Variants in KCNH8 observed in about 807,000 individuals in gnomAD.
KCNH8 encodes the protein potassium voltage-gated channel subfamily H member 8.
KCNH8 carries 70 observed loss-of-function variants against 103.6 expected under a neutral mutation model. The observed-to-expected ratio is 0.68, with a 90% CI of 0.56 to 0.82. KCNH8 has a LOEUF of 0.82. KCNH8 is among the 40% of genes least tolerant of loss of function. The pLI is 0.00. For missense variants in KCNH8, 1,217 were observed against 1,329.9 expected, an observed-to-expected ratio of 0.92 and a Z score of 1.32; for synonymous variants, 498 against 489.4, an observed-to-expected ratio of 1.02 and a Z score of -0.23.
intron 11 of KCNH8, among the ~76,000 whole-genome samples, chr3:19,486,273 G>C (rs2068206150): frequency 6.6e-6 from 1 of 152,216 alleles, no homozygotes. Flanking sequence ...AGGGTGGTGG[G>C]ATTTAGGTTG....
At chr3:19,488,178 A>G (rs2068248388) in intron 11 of KCNH8, among the ~76,000 whole-genome samples, 1 of 152,116 alleles carries the variant, frequency 6.6e-6, no homozygotes, top group Non-Finnish European at 1.5e-5. Context: ...AGTTGGGGAC[A>G]CTTATTTTTC....
chr3:19,396,349 T>G (rs1427421838), intron 7 of KCNH8, among the ~76,000 whole-genome samples: 1 of 151,998 alleles, frequency 6.6e-6, no homozygotes, highest in Non-Finnish European at 1.5e-5. Context: ...ATAGGACATA[T>G]ACAAAGCCTT....
At chr3:19,486,971 T>C (rs1047518958) in intron 11 of KCNH8, among the ~76,000 whole-genome samples, 13 of 152,180 alleles carry the variant, frequency 8.5e-5, no homozygotes, top group Non-Finnish European at 8.8e-5. Flanking sequence ...CCTACAGTCC[T>C]CCAGGTGCTG....
At chr3:19,334,082 G>A (rs936579448) in intron 3 of KCNH8, among the ~76,000 whole-genome samples, 9 of 152,166 alleles carry the variant, frequency 5.9e-5, no homozygotes, top group African/African-American at 2.2e-4. Flanking sequence ...GCTCTGCAGA[G>A]TTGTCTCGAA....
chr3:19,355,761 A>G (rs1236554111), intron 5 of KCNH8, among the ~76,000 whole-genome samples: 2 of 152,076 alleles, frequency 1.3e-5, no homozygotes, highest in Non-Finnish European at 2.9e-5. Context: ...GAGGGATAGC[A>G]TTAGGAGATA....
At chr3:19,510,910 C>G (rs555904593) in intron 12 of KCNH8, among the ~76,000 whole-genome samples, 2 of 151,966 alleles carry the variant, frequency 1.3e-5, no homozygotes, top group African/African-American at 4.8e-5. Context: ...CACAGAGGCA[C>G]GCAAATAGAT....
chr3:19,323,854 T>C (rs1010485277), intron 3 of KCNH8, among the ~76,000 whole-genome samples: 25 of 152,210 alleles, frequency 1.6e-4, no homozygotes, highest in African/African-American at 4.1e-4. Flanking sequence ...ATGATGTGAT[T>C]CGTCTTCAGG....
At chr3:19,463,594 C>T (rs972320510) in intron 11 of KCNH8, among the ~76,000 whole-genome samples, 7 of 151,854 alleles carry the variant, frequency 4.6e-5, no homozygotes, top group Non-Finnish European at 1.0e-4. Context: ...GAATACCAAC[C>T]TTATGGAGAA....
At chr3:19,166,744 T>A (rs1426466714) in intron 1 of KCNH8, among the ~76,000 whole-genome samples, 2 of 152,178 alleles carry the variant, frequency 1.3e-5, no homozygotes, top group African/African-American at 2.4e-5. Flanking sequence ...AGGATGGTGA[T>A]GGTATGTAAT....
At chr3:19,413,579 G>A (rs1482736220) in intron 7 of KCNH8, among the ~76,000 whole-genome samples, 2 of 152,022 alleles carry the variant, frequency 1.3e-5, no homozygotes, top group South Asian at 2.1e-4. Context: ...TTAGAACAGA[G>A]ACAATATACA....
chr3:19,161,469 C>A (rs1388141256), intron 1 of KCNH8, among the ~76,000 whole-genome samples: 6 of 152,116 alleles, frequency 3.9e-5, no homozygotes, highest in African/African-American at 1.4e-4. Context: ...GAATGAAGCA[C>A]CAGTGATTAA....
rs75668332 is a variant in KCNH8 at position 19,264,685 on chromosome 3, T to A, written c.310+10798T>A. ...GTCAGCCTTAGCAACTACCTGACTTTGCACAGACAACTTCATAAAATAGAA... is the reference window on the plus strand; with the variant it reads ...GTCAGCCTTAGCAACTACCTGACTTAGCACAGACAACTTCATAAAATAGAA... On this transcript the variant is annotated intron_variant, in intron 2 of 15. Coordinates refer to ENST00000328405, the MANE Select transcript of KCNH8 (RefSeq NM_144633.3). Among the ~76,000 whole-genome samples, 221 of 152,250 alleles carry A rather than the reference T, an allele frequency of 1.5e-3. No homozygotes were observed. In the East Asian group the frequency reaches 0.028, roughly 19 times the overall value.
chr3:19,458,670 A>G (rs937877028), intron 11 of KCNH8, among the ~76,000 whole-genome samples: 4 of 151,992 alleles, frequency 2.6e-5, no homozygotes, highest in African/African-American at 9.7e-5. Context: ...TAGAGTCACC[A>G]TGTTGTACAA....
chr3:19,248,854 G>C (rs2064240066), intron 1 of KCNH8, among the ~76,000 whole-genome samples: 2 of 152,120 alleles, frequency 1.3e-5, no homozygotes, highest in Admixed American at 1.3e-4. Context: ...ATCTTCATTT[G>C]AAGGGGAAAG....
chr3:19,510,404 A>C lies in KCNH8; in HGVS notation c.2079+3A>C, dbSNP rs2068763496. 2.6e-6 allele frequency: 4 copies of C among 1,561,916 alleles called. No homozygotes were observed. The highest frequency in any genetic ancestry group is 1.7e-5 in the Admixed American group (1 of 59,850). Reference sequence around the variant, plus strand: ...CAAACAAATCTATGGTCTCACAGGTATGGCTTTTGCTACACAGCAAAATAT... The same window carrying C: ...CAAACAAATCTATGGTCTCACAGGTCTGGCTTTTGCTACACAGCAAAATAT... On this transcript the variant is annotated splice_donor_region_variant and intron_variant, in intron 12 of 15. Coordinates refer to ENST00000328405, the MANE Select transcript of KCNH8 (RefSeq NM_144633.3).
At chr3:19,148,867 TC>T (rs2063101356) in intron 1 of KCNH8, 72 bp downstream of exon 1, 4 of 1,291,448 alleles carry the variant, frequency 3.1e-6, no homozygotes, top group Admixed American at 1.7e-5. Flanking sequence ...TTACTTTTGC[TC>T]CCACCTTCCC....
Position 19,360,033 on chromosome 3 carries a change from GA to G in KCNH8, c.811+12069del, listed in dbSNP as rs375668516. Among the ~76,000 whole-genome samples the G allele has an allele frequency of 2.5e-3, 373 of 152,064 alleles. 1 individual carries two copies. Among genetic ancestry groups the G allele is most frequent in the African/African-American group, 8.6e-3 (356 of 41,524 alleles). On this transcript the variant is annotated intron_variant, in intron 5 of 15. Coordinates refer to ENST00000328405, the MANE Select transcript of KCNH8 (RefSeq NM_144633.3). Reference sequence around the variant, plus strand: ...AAAAACATACATATAAGAGTTAAGTGATTACTCCAGAATTTTTAAAAAGCAT... The same window carrying G: ...AAAAACATACATATAAGAGTTAAGTGTTACTCCAGAATTTTTAAAAAGCAT...
chr3:19,495,999 T>C (rs1178028565), intron 11 of KCNH8, among the ~76,000 whole-genome samples: 2 of 152,116 alleles, frequency 1.3e-5, no homozygotes, highest in Non-Finnish European at 2.9e-5. Context: ...GGCTCTTAGA[T>C]TGGATATTGT....
intron 3 of KCNH8, among the ~76,000 whole-genome samples, chr3:19,309,211 G>A (rs577153065): frequency 1.3e-5 from 2 of 152,042 alleles, no homozygotes; most frequent in Admixed American, 1.3e-4. Context: ...CCAACAGCAA[G>A]TGCTGCCATT....
Sources: allele counts gnomAD v4.1 joint callset (sites outside exome capture counted in the v4.1 genomes callset), GRCh38; gene constraint gnomAD v4.1.1; transcripts MANE v1.5; gene names NCBI Gene and HGNC (gene_info 2026-07-23, HGNC 2026-07-21).